CYTH4: variants seen among roughly 807,000 people sequenced by gnomAD.
The protein encoded by CYTH4 is cytohesin 4, also known as cytohesin-4.
A neutral mutation model predicts 57.5 loss-of-function variants in CYTH4; 22 were observed. The ratio of observed to expected loss-of-function variants is 0.38; its 90% CI spans 0.27 to 0.55. The LOEUF is 0.55. Among genes scored for constraint, CYTH4 ranks in the 20% least tolerant of loss-of-function variants. The probability of loss-of-function intolerance (pLI) is 0.74; values close to 1 mark genes in which losing one functional copy is unlikely to be tolerated. For missense variants in CYTH4, 420 were observed against 535.6 expected, an observed-to-expected ratio of 0.78 and a Z score of 2.13; for synonymous variants, 186 against 206.5, an observed-to-expected ratio of 0.90 and a Z score of 0.85.
intron 2 of CYTH4, 44 bp from the exon 3 acceptor site, chr22:37,294,616 C>A (rs1247990171): frequency 1.2e-6 from 2 of 1,609,900 alleles, no homozygotes; most frequent in Non-Finnish European, 1.7e-6. Flanking sequence ...GGGGTTCTGG[C>A]CTCCACCCCT....
intron 1 of CYTH4, among the ~76,000 whole-genome samples, chr22:37,283,699 C>G (rs541756613): frequency 8.5e-5 from 13 of 152,234 alleles, no homozygotes; most frequent in Admixed American, 7.2e-4. Flanking sequence ...GGAGCAGGAC[C>G]AAATCCTGTT....
intron 6 of CYTH4, chr22:37,300,022 A>G: frequency 1.4e-6 from 1 of 716,386 alleles, no homozygotes; most frequent in Admixed American, 2.0e-5. Flanking sequence ...CCTGTGCCCC[A>G]GTTTCCTCAT....
At position 37,296,235 on chromosome 22, in the gene CYTH4, G is replaced by A. The variant is rs1928963499; in HGVS notation, c.234+170G>A. On this transcript the variant is annotated intron_variant, in intron 4 of 12. Coordinates refer to ENST00000248901, the MANE Select transcript of CYTH4 (RefSeq NM_013385.5). ...GCCCCATGGCCAGCTGTGGCTGGGC[G>A]CCCTGTCTACTCCCAGGCATACACG... 10 of 708,668 alleles carry A rather than the reference G, an allele frequency of 1.4e-5. 1 individual carries two copies. The highest frequency in any genetic ancestry group is 7.2e-5 in the African/African-American group (4 of 55,554). 43.9% of individuals were successfully genotyped at this position (708,668 alleles called of 1,614,324 possible).
chr22:37,291,411 G>A (rs1045744105), intron 1 of CYTH4, among the ~76,000 whole-genome samples: 1 of 152,206 alleles, frequency 6.6e-6, no homozygotes, highest in Non-Finnish European at 1.5e-5. Flanking sequence ...TTCTTTTGGA[G>A]GAAATGATGT....
chr22:37,311,984 C>A lies in CYTH4; in HGVS notation c.958-36C>A. On this transcript the variant is annotated intron_variant, in intron 11 of 12. Coordinates refer to ENST00000248901, the MANE Select transcript of CYTH4 (RefSeq NM_013385.5). The surrounding 1 kb of genome is among the most constrained non-coding windows in gnomAD (Gnocchi z 4.4). The stretch of plus-strand genomic sequence containing the variant: ...CTCCTGGAGGGCCCACCCAGCCTCC[C>A]TCTCTTCCCACCCTTGCCTGGCCAC... The A allele has an allele frequency of 6.2e-7, 1 of 1,600,790 alleles. No homozygotes were observed. The highest frequency in any genetic ancestry group is 8.5e-7 in the Non-Finnish European group (1 of 1,170,780).
chr22:37,300,293 C>A, intron 6 of CYTH4: 1 of 708,836 alleles, frequency 1.4e-6, no homozygotes, highest in South Asian at 1.5e-5. Flanking sequence ...GGGAGTCTCC[C>A]ATATTCATTC....
intron 1 of CYTH4, 85 bp from the exon 2 acceptor site, chr22:37,292,536 C>A: frequency 7.0e-7 from 1 of 1,419,372 alleles, no homozygotes. Context: ...CCTGGGTTTC[C>A]GGAGGGAAGG....
At chr22:37,307,321 C>A (rs1032208865) in intron 8 of CYTH4, among the ~76,000 whole-genome samples, 1 of 152,168 alleles carries the variant, frequency 6.6e-6, no homozygotes, top group Non-Finnish European at 1.5e-5. Context: ...GCAGTGAAGA[C>A]CCCCGTCTGC....
chr22:37,311,592 G>T lies in CYTH4; in HGVS notation c.957+65G>T. 6.6e-7 allele frequency: 1 copy of T among 1,523,772 alleles called. No individual in the cohort carries two copies. 94.4% of individuals were successfully genotyped at this position (1,523,772 alleles called of 1,614,324 possible). On this transcript the variant is annotated intron_variant, in intron 11 of 12. Transcript: ENST00000248901. The surrounding 1 kb of genome is among the most constrained non-coding windows in gnomAD (Gnocchi z 4.4). ...TGGGAAATTTCCTAAACAGAACGTG[G>T]GGAGAGGGCCTGAGGCTGGGCTCTC...
intron 7 of CYTH4, among the ~76,000 whole-genome samples, chr22:37,302,832 TG>T (rs1368904528): frequency 1.3e-5 from 2 of 152,134 alleles, no homozygotes; most frequent in Non-Finnish European, 2.9e-5. Flanking sequence ...AGAGCAGCAG[TG>T]GCTCAGCCCT....
At chr22:37,289,106 T>C (rs1179441718) in intron 1 of CYTH4, among the ~76,000 whole-genome samples, 1 of 152,222 alleles carries the variant, frequency 6.6e-6, no homozygotes, top group African/African-American at 2.4e-5. Flanking sequence ...GGAATCAGTT[T>C]GCCCCCTGGT....
rs5750409 is a variant in CYTH4, at chr22:37,314,254, G to A, written c.*743G>A. On this transcript the variant is annotated 3_prime_UTR_variant, in exon 13 of 13. Coordinates refer to ENST00000248901, the MANE Select transcript of CYTH4 (RefSeq NM_013385.5). ...CTTCCAGCTGGAGATGGCAGCCGTT[G>A]TTTGCGGAGCCCAGGCTGACTCCGG... The A allele has an allele frequency of 0.39, 155,590 of 398,070 alleles. 31,341 individuals are homozygous for A. The highest frequency in any genetic ancestry group is 0.66 in the South Asian group (5,100 of 7,770). The allele number at this position is 398,070 out of a possible 1,614,324, so 24.7% of individuals were successfully genotyped here.
intron 1 of CYTH4, among the ~76,000 whole-genome samples, chr22:37,291,682 G>T (rs1928751981): frequency 6.6e-6 from 1 of 152,112 alleles, no homozygotes; most frequent in Admixed American, 6.5e-5. Context: ...GAGGCCCCAG[G>T]CCCAGGATGA....
At chr22:37,290,754 C>A (rs758184934) in intron 1 of CYTH4, among the ~76,000 whole-genome samples, 2 of 152,182 alleles carry the variant, frequency 1.3e-5, no homozygotes. Context: ...GTGACCCGCC[C>A]GCCTCGGCCT....
At chr22:37,284,170 C>T (rs1469299411) in intron 1 of CYTH4, among the ~76,000 whole-genome samples, 3 of 152,142 alleles carry the variant, frequency 2.0e-5, no homozygotes, top group Admixed American at 1.3e-4. Flanking sequence ...TCAGCCGGTA[C>T]TAGGGAGGAA....
At position 37,306,779 on chromosome 22, in the gene CYTH4, C is replaced by G. The variant is rs750130956; in HGVS notation, c.697-2433C>G. 8.1e-4 allele frequency among the ~76,000 whole-genome samples: 123 copies of G among 152,232 alleles called. 1 individual carries two copies. The highest frequency in any genetic ancestry group is 1.3e-3 in the Non-Finnish European group (91 of 68,034). ...ATTTATCTCTTAAACCAGCTCTGCC[C>G]AGGTGTGGCAGAGATGGCCCGGCCT... On this transcript the variant is annotated intron_variant, in intron 8 of 12. Coordinates refer to ENST00000248901, the MANE Select transcript of CYTH4 (RefSeq NM_013385.5).
intron 8 of CYTH4, among the ~76,000 whole-genome samples, chr22:37,306,903 G>A (rs1929417544): frequency 1.3e-5 from 2 of 152,238 alleles, no homozygotes; most frequent in Admixed American, 1.3e-4. Flanking sequence ...TCCCTGAACT[G>A]AGGCTAGCAG....
intron 4 of CYTH4, among the ~76,000 whole-genome samples, chr22:37,296,853 G>A (rs965052124): frequency 6.6e-6 from 1 of 152,154 alleles, no homozygotes; most frequent in Admixed American, 6.5e-5. Flanking sequence ...GGGCCCTCAT[G>A]GCCTGTGCCC....
rs10084630 is a variant in CYTH4, at chr22:37,283,446, C to T, written c.19+858C>T. Reference sequence around the variant, plus strand: ...GCTGGAATTCCAGAACCTAAGGGCTCGTGGGAGCTGTCTGCTCCCCAGGTC... The same window carrying T: ...GCTGGAATTCCAGAACCTAAGGGCTTGTGGGAGCTGTCTGCTCCCCAGGTC... On this transcript the variant is annotated intron_variant, in intron 1 of 12. Transcript: ENST00000248901. 7.0e-4 allele frequency among the ~76,000 whole-genome samples: 107 copies of T among 152,030 alleles called. 2 individuals are homozygous for T. The East Asian group carries it at 0.015, about 22-fold the overall frequency.
Sources: allele counts gnomAD v4.1 joint callset (sites outside exome capture counted in the v4.1 genomes callset), GRCh38; gene constraint gnomAD v4.1.1; non-coding constraint Gnocchi (gnomAD v3.1); transcripts MANE v1.5; gene names NCBI Gene and HGNC (gene_info 2026-07-23, HGNC 2026-07-21).